SH3GL2: variants seen among roughly 807,000 people sequenced by gnomAD.
SH3GL2 encodes the protein endophilin-A1.
SH3GL2 carries 24 observed loss-of-function variants against 46.0 expected under a neutral mutation model. The observed-to-expected ratio is 0.52, with a 90% CI of 0.38 to 0.73. SH3GL2 has a LOEUF of 0.73. Among genes scored for constraint, SH3GL2 ranks in the 30% least tolerant of loss-of-function variants. The probability of loss-of-function intolerance (pLI) is 0.00; values close to 1 mark genes in which losing one functional copy is unlikely to be tolerated. For missense variants in SH3GL2, 413 were observed against 424.2 expected, an observed-to-expected ratio of 0.97 and a Z score of 0.23; for synonymous variants, 196 against 147.1, an observed-to-expected ratio of 1.33 and a Z score of -2.40.
At chr9:17,764,513 G>A (rs1401219100) in intron 3 of SH3GL2, among the ~76,000 whole-genome samples, 1 of 152,236 alleles carries the variant, frequency 6.6e-6, no homozygotes, top group Non-Finnish European at 1.5e-5. Context: ...GCCAACCAGT[G>A]TGGATACTGA....
intron 1 of SH3GL2, among the ~76,000 whole-genome samples, chr9:17,656,789 A>G (rs922003065): frequency 6.8e-6 from 1 of 147,974 alleles, no homozygotes; most frequent in Non-Finnish European, 1.5e-5. Context: ...AAAAAAAAAC[A>G]AAAAAGGCTT....
At chr9:17,645,139 T>C (rs1487922042) in intron 1 of SH3GL2, among the ~76,000 whole-genome samples, 1 of 148,526 alleles carries the variant, frequency 6.7e-6, no homozygotes, top group Non-Finnish European at 1.5e-5. Flanking sequence ...GAGACTAGGA[T>C]TGCAAACGCT....
chr9:17,615,118 G>T (rs1818957067), intron 1 of SH3GL2, among the ~76,000 whole-genome samples: 1 of 152,112 alleles, frequency 6.6e-6, no homozygotes, highest in South Asian at 2.1e-4. Flanking sequence ...TTAAGTTACT[G>T]GTAGGACCCA....
At chr9:17,772,795 C>T (rs890075231) in intron 3 of SH3GL2, among the ~76,000 whole-genome samples, 3 of 152,128 alleles carry the variant, frequency 2.0e-5, no homozygotes, top group Admixed American at 2.0e-4. Context: ...AATAATGCTT[C>T]TATGACCATG....
intron 1 of SH3GL2, among the ~76,000 whole-genome samples, chr9:17,701,445 A>G (rs1821340806): frequency 6.6e-6 from 1 of 152,082 alleles, no homozygotes; most frequent in Admixed American, 6.6e-5. Context: ...ATCGTGTATC[A>G]TTTGGGGCCT....
intron 1 of SH3GL2, among the ~76,000 whole-genome samples, chr9:17,637,955 G>T (rs1183679600): frequency 6.6e-6 from 1 of 152,044 alleles, no homozygotes; most frequent in Non-Finnish European, 1.5e-5. Context: ...AGGAGATCGA[G>T]ACCATCCTGG....
chr9:17,766,826 C>T (rs769706889), intron 3 of SH3GL2, among the ~76,000 whole-genome samples: 6 of 151,866 alleles, frequency 4.0e-5, no homozygotes, highest in African/African-American at 4.8e-5. Context: ...CCTTTCTGTT[C>T]GATATATGTT....
At chr9:17,745,535 T>TG (rs758631694) in intron 1 of SH3GL2, among the ~76,000 whole-genome samples, 8 of 152,134 alleles carry the variant, frequency 5.3e-5, no homozygotes, top group Non-Finnish European at 1.2e-4. Context: ...TTTCTACTGA[T>TG]GGGATGGAAT....
At chr9:17,619,071 T>G (rs1819070803) in intron 1 of SH3GL2, among the ~76,000 whole-genome samples, 1 of 152,206 alleles carries the variant, frequency 6.6e-6, no homozygotes, top group African/African-American at 2.4e-5. Context: ...TAGATACAAT[T>G]CTCAGCACTT....
chr9:17,647,612 T>C (rs1323412465), intron 1 of SH3GL2, among the ~76,000 whole-genome samples: 2 of 152,206 alleles, frequency 1.3e-5, no homozygotes, highest in African/African-American at 2.4e-5. Context: ...TTAAATAAAG[T>C]AATACTGTAA....
At chr9:17,617,573 G>T (rs1158259382) in intron 1 of SH3GL2, among the ~76,000 whole-genome samples, 1 of 152,134 alleles carries the variant, frequency 6.6e-6, no homozygotes, top group Non-Finnish European at 1.5e-5. Context: ...AAATTTTCAG[G>T]CTCACTTGAG....
At chr9:17,795,523 C>A in intron 8 of SH3GL2, 21 bp from the exon 9 acceptor site, 1 of 1,602,900 alleles carries the variant, frequency 6.2e-7, no homozygotes, top group Non-Finnish European at 8.5e-7. Flanking sequence ...TTCTTCTCTT[C>A]TCTCCTGCTC....
chr9:17,715,928 G>GTAC (rs1821745678), intron 1 of SH3GL2, among the ~76,000 whole-genome samples: 1 of 152,126 alleles, frequency 6.6e-6, no homozygotes, highest in Admixed American at 6.6e-5. Context: ...ATTGAATACT[G>GTAC]TACTGAAAGT....
At position 17,789,270 on chromosome 9, in the gene SH3GL2, G is replaced by A. The variant is rs190516563; in HGVS notation, c.466-122G>A. 1.8e-5 allele frequency: 13 copies of A among 724,262 alleles called. No individual in the cohort carries two copies. In the Admixed American group the frequency reaches 2.0e-4, roughly 11 times the overall value. The allele number at this position is 724,262 out of a possible 1,614,324, so 44.9% of individuals were successfully genotyped here. The stretch of plus-strand genomic sequence containing the variant: ...CATGTTTCTTTATTTCTCTGGTGGC[G>A]TTGTATTTTAAAACTTAGCCTATCT... On this transcript the variant is annotated intron_variant, in intron 5 of 8. Transcript: ENST00000380607.
At chr9:17,666,547 T>TAC (rs1473505576) in intron 1 of SH3GL2, among the ~76,000 whole-genome samples, 3 of 109,248 alleles carry the variant, frequency 2.7e-5, no homozygotes, top group Non-Finnish European at 5.6e-5. Context: ...AAAGGTAACG[T>TAC]GTGTGTGTGT....
At chr9:17,683,016 C>G (rs141750615) in intron 1 of SH3GL2, among the ~76,000 whole-genome samples, 6 of 152,158 alleles carry the variant, frequency 3.9e-5, no homozygotes, top group African/African-American at 1.4e-4. Flanking sequence ...TTCTTGGTCT[C>G]ATCAGAGAAT....
chr9:17,694,493 G>A (rs1036844595), intron 1 of SH3GL2, among the ~76,000 whole-genome samples: 27 of 152,074 alleles, frequency 1.8e-4, no homozygotes, highest in African/African-American at 4.6e-4. Context: ...CTATATACTA[G>A]ACTTGATGTA....
At position 17,746,154 on chromosome 9, in the gene SH3GL2, A is replaced by G. The variant is rs182561970; in HGVS notation, c.46-912A>G. Among the ~76,000 whole-genome samples the G allele has an allele frequency of 2.2e-3, 342 of 152,250 alleles. 2 individuals carry two copies. The highest frequency in any genetic ancestry group is 7.7e-3 in the African/African-American group (318 of 41,556). ...CAGTGGTGGGATCTCCGCTCACTGC[A>G]GGCTCCGCCCCGCTGTGTTCACACC... On this transcript the variant is annotated intron_variant, in intron 1 of 8. Transcript: ENST00000380607.
At chr9:17,751,817 G>T (rs1408437096) in intron 2 of SH3GL2, among the ~76,000 whole-genome samples, 1 of 152,112 alleles carries the variant, frequency 6.6e-6, no homozygotes, top group Non-Finnish European at 1.5e-5. Flanking sequence ...TGGTGTGATG[G>T]GAAAGGAGGA....
Sources: allele counts gnomAD v4.1 joint callset (sites outside exome capture counted in the v4.1 genomes callset), GRCh38; gene constraint gnomAD v4.1.1; transcripts MANE v1.5; gene names NCBI Gene and HGNC (gene_info 2026-07-23, HGNC 2026-07-21).